The following HAUS8 variants were observed in gnomAD, a reference collection of about 807,000 sequenced individuals.
HAUS8 encodes the protein HAUS augmin like complex subunit 8.
Under a neutral mutation model 42.9 loss-of-function variants are expected in HAUS8, and 38 were observed. The observed-to-expected ratio is 0.89, with a 90% CI of 0.68 to 1.16. The LOEUF (loss-of-function observed/expected upper bound fraction) is 1.16. Among genes scored for constraint, HAUS8 ranks in the 50% most tolerant of loss-of-function variants. The pLI is 0.00. For missense variants in HAUS8, 494 were observed against 511.6 expected, an observed-to-expected ratio of 0.97 and a Z score of 0.33; for synonymous variants, 199 against 205.8, an observed-to-expected ratio of 0.97 and a Z score of 0.28.
chr19:17,060,664 T>C (rs1471285115), intron 4 of HAUS8, among the ~76,000 whole-genome samples: 1 of 152,232 alleles, frequency 6.6e-6, no homozygotes, highest in Non-Finnish European at 1.5e-5. Flanking sequence ...CACCTCGGCC[T>C]CCCAAAGTGT....
chr19:17,064,469 C>A (rs1252306712), intron 3 of HAUS8, among the ~76,000 whole-genome samples: 1 of 152,160 alleles, frequency 6.6e-6, no homozygotes, highest in South Asian at 2.1e-4. Flanking sequence ...GTTCTCAGGA[C>A]TTAGTGCAAA....
chr19:17,059,676 A>G (rs776324319), intron 5 of HAUS8, 25 bp from the exon 6 acceptor site: 16 of 1,550,138 alleles, frequency 1.0e-5, no homozygotes, highest in Non-Finnish European at 1.3e-5. Context: ...AGCATTTTTA[A>G]TGGCAAGTAG....
At chr19:17,061,416 C>A (rs2057360153) in intron 4 of HAUS8, among the ~76,000 whole-genome samples, 1 of 152,140 alleles carries the variant, frequency 6.6e-6, no homozygotes, top group Non-Finnish European at 1.5e-5. Context: ...GGATTACAGG[C>A]GTGAGCCACC....
chr19:17,056,136 A>G (rs1019153334), intron 8 of HAUS8, 134 bp from the exon 9 acceptor site: 34 of 875,526 alleles, frequency 3.9e-5, no homozygotes, highest in Non-Finnish European at 5.0e-5. Context: ...GAGCTCAGGA[A>G]GTTTCCGAGG....
intron 3 of HAUS8, 57 bp from the exon 4 acceptor site, chr19:17,062,836 G>C: frequency 7.7e-7 from 1 of 1,296,372 alleles, no homozygotes; most frequent in East Asian, 2.3e-5. Context: ...CACAACAACG[G>C]GCCCTGATGC....
chr19:17,064,511 A>C (rs1195049644), intron 3 of HAUS8, among the ~76,000 whole-genome samples: 1 of 152,254 alleles, frequency 6.6e-6, no homozygotes, highest in East Asian at 1.9e-4. Flanking sequence ...TGGAACTAGC[A>C]TAAGGATGCA....
intron 3 of HAUS8, among the ~76,000 whole-genome samples, chr19:17,063,824 T>TA (rs1436925301): frequency 1.3e-5 from 2 of 152,182 alleles, no homozygotes; most frequent in East Asian, 1.9e-4. Flanking sequence ...AACTGGGACT[T>TA]ACACCTTTGG....
intron 9 of HAUS8, chr19:17,054,983 A>G (rs1469958890): frequency 2.0e-5 from 3 of 149,368 alleles, no homozygotes; most frequent in Non-Finnish European, 4.5e-5. Context: ...CCGCAGAAAA[A>G]AAAGAACAAT....
intron 4 of HAUS8, among the ~76,000 whole-genome samples, chr19:17,061,415 G>A (rs1343368529): frequency 1.3e-5 from 2 of 152,226 alleles, no homozygotes; most frequent in Non-Finnish European, 2.9e-5. Flanking sequence ...GGGATTACAG[G>A]CGTGAGCCAC....
At chr19:17,075,463 C>T (rs758449349), upstream of HAUS8, 1 of 1,611,368 alleles carries the variant, frequency 6.2e-7, no homozygotes, top group African/African-American at 1.3e-5. Context: ...GCCGGCTTTT[C>T]AAAGCCGGAC....
Position 17,058,671 on chromosome 19 carries a change from C to T in HAUS8, c.523G>A (p.Glu175Lys), listed in dbSNP as rs1178495254. Residue 175 changes from glutamate (E) to lysine (K), a missense_variant, in exon 8 of 11, where the codon GAA (glutamate) becomes AAA (lysine). Glu to Lys is a moderately conservative substitution (Grantham distance 56, BLOSUM62 1). Coordinates refer to ENST00000253669, the MANE Select transcript of HAUS8 (RefSeq NM_033417.2). ...TTACACATTATTAATAAATTCTTTT[C>T]TGCCCTTCTTTCAAACTCAGCAAGA... ...NNLAEFERRA[E>K]KNLLIMCKEK... 2 of 1,611,170 alleles carry T rather than the reference C, an allele frequency of 1.2e-6. No individual in the cohort carries two copies. The highest frequency in any genetic ancestry group is 2.7e-5 in the African/African-American group (2 of 74,582).
intron 8 of HAUS8, among the ~76,000 whole-genome samples, chr19:17,056,680 T>C (rs1383086825): frequency 3.3e-5 from 5 of 152,060 alleles, no homozygotes; most frequent in Non-Finnish European, 5.9e-5. Flanking sequence ...AACCTCTGCC[T>C]CCCGGGTTCC....
intron 3 of HAUS8, among the ~76,000 whole-genome samples, chr19:17,067,577 G>C (rs1000244382): frequency 1.3e-5 from 2 of 152,066 alleles, no homozygotes; most frequent in Non-Finnish European, 2.9e-5. Flanking sequence ...AAACAGAAAA[G>C]ATCTAAAGGG....
chr19:17,073,096 C>T (rs972408728), intron 2 of HAUS8, among the ~76,000 whole-genome samples, 178 bp downstream of exon 2: 2 of 152,204 alleles, frequency 1.3e-5, no homozygotes, highest in African/African-American at 4.8e-5. Flanking sequence ...TGACCACCAC[C>T]ATTCCTGACA....
Position 17,050,191 on chromosome 19 carries a change from A to C in HAUS8, c.930-15T>G. ...GGGCAAAGCTCCTGTTGAGGATGGG[A>C]GAAAGAATAACGGCTTTCACCCTCT... On this transcript the variant is annotated splice_polypyrimidine_tract_variant and intron_variant, in intron 10 of 10. Transcript: ENST00000253669. 1 of 1,473,966 alleles carries C rather than the reference A, an allele frequency of 6.8e-7. No individual in the cohort carries two copies. Among genetic ancestry groups the C allele is most frequent in the Non-Finnish European group, 9.0e-7 (1 of 1,111,400 alleles). The allele number at this position is 1,473,966 out of a possible 1,614,324, so 91.3% of individuals were successfully genotyped here.
At chr19:17,067,565 A>G (rs1298742122) in intron 3 of HAUS8, among the ~76,000 whole-genome samples, 1 of 152,074 alleles carries the variant, frequency 6.6e-6, no homozygotes, top group African/African-American at 2.4e-5. Context: ...AAATGGGGGG[A>G]AAAACAGAAA....
At chr19:17,075,282 G>C (rs1158919380) in intron 1 of HAUS8, 112 bp downstream of exon 1, 6 of 1,202,414 alleles carry the variant, frequency 5.0e-6, no homozygotes, top group Admixed American at 1.7e-5. Flanking sequence ...CGCAGTTCCT[G>C]GCGGGGTCGA....
At chr19:17,058,946 G>C (rs1362699991) in intron 6 of HAUS8, 70 bp from the exon 7 acceptor site, 1 of 1,320,982 alleles carries the variant, frequency 7.6e-7, no homozygotes, top group East Asian at 2.3e-5. Flanking sequence ...TCCCAGCAGG[G>C]GGAGAACTCT....
At chr19:17,064,152 C>T (rs1322994042) in intron 3 of HAUS8, among the ~76,000 whole-genome samples, 1 of 152,114 alleles carries the variant, frequency 6.6e-6, no homozygotes, top group African/African-American at 2.4e-5. Flanking sequence ...TACAATGGCA[C>T]TAAACACCAA....
Sources: gnomAD v4.1 joint callset for allele counts (sites outside exome capture counted in the v4.1 genomes callset) on GRCh38, gnomAD v4.1.1 for gene constraint, MANE v1.5 for transcripts, NCBI Gene and HGNC (gene_info 2026-07-23, HGNC 2026-07-21) for gene names.